Variants in ACACA observed in about 807,000 individuals in gnomAD.
The protein encoded by ACACA is acetyl-CoA carboxylase 1.
In ACACA, 103 loss-of-function variants were observed where a neutral mutation model predicts 296.1. The observed-to-expected ratio is 0.35, with a 90% CI of 0.30 to 0.41. ACACA has a LOEUF of 0.41. ACACA is among the 10% of genes least tolerant of loss of function. The pLI, the probability that ACACA is intolerant of heterozygous loss-of-function variation, is 1.00. For missense variants in ACACA, 1,554 were observed against 2,989.7 expected (o/e 0.52, Z 11.20); for synonymous variants, 953 against 1,038.6 (o/e 0.92, Z 1.58).
intron 1 of ACACA, among the ~76,000 whole-genome samples, chr17:37,385,077 T>C (rs2050466644): frequency 6.6e-6 from 1 of 152,134 alleles, no homozygotes; most frequent in East Asian, 1.9e-4. Flanking sequence ...AATCACATCA[T>C]CTCTCATCTG....
intron 41 of ACACA, among the ~76,000 whole-genome samples, chr17:37,168,812 G>C (rs952156824): frequency 1.3e-5 from 2 of 152,112 alleles, no homozygotes; most frequent in African/African-American, 4.8e-5. Context: ...CAATATTAAT[G>C]TCTCTACCTC....
intron 1 of ACACA, among the ~76,000 whole-genome samples, chr17:37,360,751 G>A (rs567207065): frequency 7.6e-4 from 115 of 152,254 alleles, no homozygotes; most frequent in South Asian, 3.3e-3. Flanking sequence ...ACAGAACAGG[G>A]ATTCATATTT....
At chr17:37,290,056 GT>G (rs890718428) in intron 3 of ACACA, among the ~76,000 whole-genome samples, 23 of 148,226 alleles carry the variant, frequency 1.6e-4, no homozygotes, top group Non-Finnish European at 2.0e-4. Flanking sequence ...ACATCTTTGG[GT>G]TTTTTTTTTA....
intron 1 of ACACA, among the ~76,000 whole-genome samples, chr17:37,403,437 T>C (rs2051358918): frequency 6.7e-6 from 1 of 150,132 alleles, no homozygotes; most frequent in African/African-American, 2.5e-5. Context: ...AGTGGTGTGA[T>C]ACTGGGTCAA....
chr17:37,106,773 GAC>G (rs1344035518), intron 52 of ACACA, among the ~76,000 whole-genome samples: 1 of 151,890 alleles, frequency 6.6e-6, no homozygotes, highest in Admixed American at 6.5e-5. Flanking sequence ...TTGGGACCAA[GAC>G]ACATTCTGAT....
chr17:37,259,558 A>G (rs1409740765), intron 11 of ACACA, 28 bp from the exon 12 acceptor site: 2 of 1,613,602 alleles, frequency 1.2e-6, no homozygotes, highest in Non-Finnish European at 1.7e-6. Flanking sequence ...AGCAAACATA[A>G]GTATCTCACC....
At chr17:37,104,090 T>C (rs1371619055) in intron 52 of ACACA, among the ~76,000 whole-genome samples, 1 of 152,046 alleles carries the variant, frequency 6.6e-6, no homozygotes. Flanking sequence ...GGGCCACACA[T>C]AAAATACACT....
chr17:37,281,306 G>A (rs1330512455), intron 5 of ACACA, among the ~76,000 whole-genome samples: 5 of 151,840 alleles, frequency 3.3e-5, no homozygotes, highest in Admixed American at 6.6e-5. Context: ...TGATCCACCC[G>A]CTTGAGCATC....
chr17:37,262,719 C>T (rs1016204259), intron 11 of ACACA, among the ~76,000 whole-genome samples: 8 of 151,800 alleles, frequency 5.3e-5, no homozygotes, highest in African/African-American at 1.5e-4. Flanking sequence ...TTTAAGCCAC[C>T]GTATTTTGCT....
chr17:37,145,489 T>C (rs1401015556), intron 45 of ACACA, among the ~76,000 whole-genome samples: 1 of 152,132 alleles, frequency 6.6e-6, no homozygotes, highest in East Asian at 1.9e-4. Context: ...CTTATTAATG[T>C]CATCATTCTC....
intron 3 of ACACA, among the ~76,000 whole-genome samples, chr17:37,289,971 T>C (rs866931931): frequency 6.6e-6 from 1 of 152,200 alleles, no homozygotes; most frequent in African/African-American, 2.4e-5. Context: ...TATTCATCCC[T>C]TGAGGTCAGA....
chr17:37,302,166 A>C (rs1168962132), intron 3 of ACACA, among the ~76,000 whole-genome samples: 1 of 148,080 alleles, frequency 6.8e-6, no homozygotes, highest in Non-Finnish European at 1.5e-5. Context: ...TATTAGAGAC[A>C]GGGTTTCACC....
chr17:37,216,895 G>A (rs1404763312), intron 29 of ACACA, among the ~76,000 whole-genome samples: 1 of 151,836 alleles, frequency 6.6e-6, no homozygotes, highest in South Asian at 2.1e-4. Flanking sequence ...ACAGAGTGCC[G>A]TGTTTCACCC....
At chr17:37,315,635 A>G (rs983088580) in intron 3 of ACACA, among the ~76,000 whole-genome samples, 1 of 152,206 alleles carries the variant, frequency 6.6e-6, no homozygotes, top group African/African-American at 2.4e-5. Flanking sequence ...TACAGAACAC[A>G]GGAAAAGAGT....
chr17:37,109,395 G>C (rs1348240813), intron 52 of ACACA, among the ~76,000 whole-genome samples: 1 of 152,212 alleles, frequency 6.6e-6, no homozygotes. Flanking sequence ...AGGCAGAGGT[G>C]TGATCTCCAC....
intron 17 of ACACA, 117 bp downstream of exon 17, chr17:37,248,476 C>T (rs578040897): frequency 5.2e-4 from 433 of 837,274 alleles, no homozygotes; most frequent in Non-Finnish European, 7.7e-4. Flanking sequence ...AAAATAATGA[C>T]GGTAATTTCA....
chr17:37,105,564 T>C (rs533168922), intron 52 of ACACA, among the ~76,000 whole-genome samples: 1 of 152,196 alleles, frequency 6.6e-6, no homozygotes, highest in African/African-American at 2.4e-5. Flanking sequence ...CTTCTTCCTT[T>C]ACTTAAGAAA....
At chr17:37,176,433 A>T (rs1350895076) in intron 41 of ACACA, among the ~76,000 whole-genome samples, 1 of 152,162 alleles carries the variant, frequency 6.6e-6, no homozygotes, top group Non-Finnish European at 1.5e-5. Flanking sequence ...TTGTAATAAA[A>T]CTATTTCTCA....
At chr17:37,287,260 C>T (rs2082818735) in intron 3 of ACACA, among the ~76,000 whole-genome samples, 1 of 152,140 alleles carries the variant, frequency 6.6e-6, no homozygotes, top group South Asian at 2.1e-4. Context: ...ACATGCAGCA[C>T]AATATCTAGC....
Sources: gnomAD v4.1 joint callset for allele counts (sites outside exome capture counted in the v4.1 genomes callset) on GRCh38, gnomAD v4.1.1 for gene constraint, MANE v1.5 for transcripts, NCBI Gene and HGNC (gene_info 2026-07-23, HGNC 2026-07-21) for gene names.